The following DDC variants were observed in gnomAD, a reference collection of about 807,000 sequenced individuals.
DDC encodes aromatic-L-amino-acid decarboxylase.
Under a neutral mutation model 60.0 loss-of-function variants are expected in DDC, and 43 were observed. The ratio of observed to expected loss-of-function variants is 0.72; its 90% CI spans 0.56 to 0.92. The LOEUF is 0.92. Ranked by LOEUF, DDC falls within the 40% of genes least tolerant of loss-of-function variation. The pLI, the probability that DDC is intolerant of heterozygous loss-of-function variation, is 0.00. For synonymous variants in DDC, 232 were observed against 234.6 expected (o/e 0.99, Z 0.10); for missense variants, 573 against 620.2 (o/e 0.92, Z 0.81).
intron 2 of DDC, chr7:50,542,373 T>C (rs10268819): frequency 0.89 from 136,086 of 152,178 alleles, 60,908 homozygotes; most frequent in East Asian, 1. Context: ...CCTGTGGCCT[T>C]TGGGCTGGAA....
chr7:50,529,430 CAT>C, intron 4 of DDC, 88 bp from the exon 5 acceptor site: 1 of 1,519,134 alleles, frequency 6.6e-7, no homozygotes, highest in South Asian at 1.1e-5. Context: ...GTTTTGTGTC[CAT>C]AGTTTTCTTA....
chr7:50,563,022 C>T (rs2045374257), intron 1 of DDC, among the ~76,000 whole-genome samples: 1 of 152,106 alleles, frequency 6.6e-6, no homozygotes, highest in African/African-American at 2.4e-5. Context: ...CAAAAATGAG[C>T]TGGGCACAGT....
At chr7:50,467,803 C>T (rs1301116413) in intron 12 of DDC, among the ~76,000 whole-genome samples, 1 of 152,134 alleles carries the variant, frequency 6.6e-6, no homozygotes, top group Non-Finnish European at 1.5e-5. Flanking sequence ...AAGGTGCACC[C>T]GGAGGCCTTG....
rs559059711 is a variant in DDC, at chr7:50,528,144, G to T, written c.707C>A (p.Pro236His). Residue 236 changes from proline to histidine, a missense_variant, in exon 6 of 15, where the codon CCT (proline) becomes CAT (histidine). Coordinates refer to ENST00000444124, the MANE Select transcript of DDC (RefSeq NM_001082971.2). ...LERDKAAGLI[P>H]FFMVATLGTT... ...AAGTGCTGCCGAACTTACAAAGAAA[G>T]GAATCAGGCCAGCCGCTTTGTCTCT... 6.2e-7 allele frequency: 1 copy of T among 1,612,838 alleles called. No homozygotes were observed. Among genetic ancestry groups the T allele is most frequent in the East Asian group, 2.2e-5 (1 of 44,868 alleles).
intron 9 of DDC, among the ~76,000 whole-genome samples, chr7:50,485,984 T>C (rs1020403721): frequency 6.6e-6 from 1 of 152,202 alleles, no homozygotes; most frequent in African/African-American, 2.4e-5. Flanking sequence ...GTACTTGTAA[T>C]GATTGCCATT....
At chr7:50,508,549 G>A (rs2043462645) in intron 6 of DDC, among the ~76,000 whole-genome samples, 1 of 152,190 alleles carries the variant, frequency 6.6e-6, no homozygotes, top group African/African-American at 2.4e-5. Flanking sequence ...TGAGAAACAA[G>A]GGGAAACTTT....
chr7:50,551,753 T>A (rs920246370), intron 1 of DDC, among the ~76,000 whole-genome samples: 2 of 152,238 alleles, frequency 1.3e-5, no homozygotes, highest in Non-Finnish European at 2.9e-5. Flanking sequence ...CCCAATTTGC[T>A]TATAATTCTA....
intron 12 of DDC, among the ~76,000 whole-genome samples, chr7:50,468,192 C>T (rs988434832): frequency 1.3e-5 from 2 of 152,208 alleles, no homozygotes; most frequent in African/African-American, 2.4e-5. Context: ...AGTGGTTCCT[C>T]GTCATGCCAC....
At chr7:50,467,813 G>A (rs1456605235) in intron 12 of DDC, among the ~76,000 whole-genome samples, 1 of 152,166 alleles carries the variant, frequency 6.6e-6, no homozygotes. Flanking sequence ...CGGAGGCCTT[G>A]GCTGAGCTAG....
At chr7:50,523,537 A>T (rs754233269) in intron 6 of DDC, among the ~76,000 whole-genome samples, 9 of 152,228 alleles carry the variant, frequency 5.9e-5, no homozygotes, top group Non-Finnish European at 1.0e-4. Context: ...ACCAAAGAAG[A>T]TGTTCATGTA....
intron 6 of DDC, among the ~76,000 whole-genome samples, chr7:50,513,356 C>T (rs1034094988): frequency 6.6e-6 from 1 of 152,168 alleles, no homozygotes; most frequent in African/African-American, 2.4e-5. Flanking sequence ...GCAGGTCATT[C>T]CTGCTGGCAC....
chr7:50,554,208 T>C (rs1018665520), intron 1 of DDC, among the ~76,000 whole-genome samples: 3 of 151,908 alleles, frequency 2.0e-5, no homozygotes, highest in Non-Finnish European at 4.4e-5. Flanking sequence ...TGCAAATACC[T>C]CCCTCCAGTG....
intron 1 of DDC, among the ~76,000 whole-genome samples, chr7:50,561,718 C>T (rs1001892193): frequency 1.3e-5 from 2 of 151,816 alleles, no homozygotes; most frequent in African/African-American, 4.8e-5. Flanking sequence ...AGGAGCAGGA[C>T]TCCGTTTCTC....
At chr7:50,525,023 T>C (rs1325693671) in intron 6 of DDC, among the ~76,000 whole-genome samples, 4 of 152,222 alleles carry the variant, frequency 2.6e-5, no homozygotes, top group Admixed American at 2.6e-4. Flanking sequence ...ATACTATTGA[T>C]ACATGCAACA....
intron 2 of DDC, chr7:50,542,602 C>CT (rs1197471115): frequency 6.6e-6 from 1 of 152,228 alleles, no homozygotes; most frequent in Non-Finnish European, 1.5e-5. Context: ...CAGCTCAGCT[C>CT]TGCGCAGTGA....
intron 6 of DDC, among the ~76,000 whole-genome samples, chr7:50,514,031 C>T (rs2043659416): frequency 6.6e-6 from 1 of 152,160 alleles, no homozygotes; most frequent in East Asian, 1.9e-4. Flanking sequence ...AAAATCAGAG[C>T]ATTAAACCAC....
intron 7 of DDC, among the ~76,000 whole-genome samples, chr7:50,502,126 A>C (rs528958267): frequency 1.3e-5 from 2 of 152,324 alleles, no homozygotes; most frequent in East Asian, 3.9e-4. Context: ...CATTCTGCCA[A>C]TGGATGAAAG....
chr7:50,479,644 T>A, intron 10 of DDC, 143 bp downstream of exon 10: 1 of 816,022 alleles, frequency 1.2e-6, no homozygotes, highest in Non-Finnish European at 2.1e-6. Flanking sequence ...CAAGGGCAAA[T>A]CCAGGAATGC....
intron 7 of DDC, among the ~76,000 whole-genome samples, chr7:50,502,291 T>A (rs1248982850): frequency 6.6e-6 from 1 of 152,084 alleles, no homozygotes; most frequent in African/African-American, 2.4e-5. Context: ...CTGAGCTGGA[T>A]CCATCCAGGG....
Sources: allele counts gnomAD v4.1 joint callset (sites outside exome capture counted in the v4.1 genomes callset), GRCh38; gene constraint gnomAD v4.1.1; transcripts MANE v1.5; gene names NCBI Gene and HGNC (gene_info 2026-07-23, HGNC 2026-07-21).